Variants in PPA2 observed in about 807,000 individuals in gnomAD.
PPA2 encodes the protein inorganic pyrophosphatase 2, also known as inorganic pyrophosphatase 2, mitochondrial.
Under a neutral mutation model 49.5 loss-of-function variants are expected in PPA2, and 48 were observed. The observed-to-expected ratio is 0.97, with a 90% CI of 0.77 to 1.23. The LOEUF is 1.23. PPA2 is among the 50% of genes most tolerant of loss of function. The probability of loss-of-function intolerance (pLI) is 0.00; values close to 1 mark genes in which losing one functional copy is unlikely to be tolerated. For missense variants in PPA2, 429 were observed against 410.1 expected (o/e 1.05, Z -0.40); for synonymous variants, 131 against 139.9 (o/e 0.94, Z 0.45).
At chr4:105,418,805 T>C (rs538334140) in intron 7 of PPA2, among the ~76,000 whole-genome samples, 1 of 152,332 alleles carries the variant, frequency 6.6e-6, no homozygotes, top group Admixed American at 6.5e-5. Context: ...CTCGTGACAT[T>C]AGTTCTCCTG....
Position 105,449,422 on chromosome 4 carries a change from CAAAG to C in PPA2, c.268-23_268-20del, listed in dbSNP as rs1560636737. 7 of 1,505,596 alleles carry C rather than the reference CAAAG, an allele frequency of 4.6e-6. No homozygotes were observed. Among genetic ancestry groups the C allele is most frequent in the East Asian group, 2.3e-5 (1 of 43,570 alleles). The allele number at this position is 1,505,596 out of a possible 1,614,324, so 93.3% of individuals were successfully genotyped here. On this transcript the variant is annotated intron_variant, in intron 3 of 11. Coordinates refer to ENST00000341695, the MANE Select transcript of PPA2 (RefSeq NM_176869.3). ...ACAGATTCTGCAGTTAAAAACAAAACAAAGAGAGAACATTAAAAATTTTACCTTT... is the reference window on the plus strand; with the variant it reads ...ACAGATTCTGCAGTTAAAAACAAAACAGAGAACATTAAAAATTTTACCTTT...
chr4:105,441,174 A>G (rs1578864637), intron 5 of PPA2, among the ~76,000 whole-genome samples: 2 of 152,320 alleles, frequency 1.3e-5, no homozygotes, highest in Admixed American at 1.3e-4. Flanking sequence ...CAAGAAGCAG[A>G]AGTTCAAAAT....
At chr4:105,430,385 C>T (rs1305418148) in intron 6 of PPA2, among the ~76,000 whole-genome samples, 1 of 152,186 alleles carries the variant, frequency 6.6e-6, no homozygotes, top group Non-Finnish European at 1.5e-5. Context: ...ATATTAGACA[C>T]TCACATGTTT....
At chr4:105,470,697 C>T (rs531111809) in intron 1 of PPA2, among the ~76,000 whole-genome samples, 4 of 152,294 alleles carry the variant, frequency 2.6e-5, no homozygotes, top group South Asian at 2.1e-4. Context: ...ATACCTATCA[C>T]GTGTGAGACA....
chr4:105,381,365 GT>G (rs1733481331), intron 10 of PPA2, among the ~76,000 whole-genome samples: 2 of 151,766 alleles, frequency 1.3e-5, no homozygotes, highest in African/African-American at 2.4e-5. Context: ...GTTGTTTACA[GT>G]TTTTTTCCCC....
intron 7 of PPA2, among the ~76,000 whole-genome samples, chr4:105,409,238 T>G (rs2130694): frequency 0.61 from 92,149 of 152,120 alleles, 27,925 homozygotes; most frequent in East Asian, 0.68. Flanking sequence ...TGGCAGACCA[T>G]GGAATTCCCT....
chr4:105,426,353 G>C (rs1275539875), intron 6 of PPA2, among the ~76,000 whole-genome samples: 1 of 152,124 alleles, frequency 6.6e-6, no homozygotes, highest in African/African-American at 2.4e-5. Context: ...TGCAGCCCTC[G>C]GAGAGCAAGC....
In PPA2 at chr4:105,449,342, A is replaced by C. The variant is rs571749567; in HGVS notation, c.321+8T>G. 6.5e-7 allele frequency: 1 copy of C among 1,538,820 alleles called. No homozygotes were observed. Among genetic ancestry groups the C allele is most frequent in the Non-Finnish European group, 8.9e-7 (1 of 1,119,166 alleles). On this transcript the variant is annotated splice_region_variant and intron_variant, in intron 4 of 11. Transcript: ENST00000341695. Reference sequence around the variant, plus strand: ...TTTCGGTTTCATATTAATAAAGTATATCGGTACCTCCATTTTAGCATTTGT... The same window carrying C: ...TTTCGGTTTCATATTAATAAAGTATCTCGGTACCTCCATTTTAGCATTTGT...
chr4:105,394,970 A>G (rs1734077827), intron 9 of PPA2, among the ~76,000 whole-genome samples: 2 of 152,120 alleles, frequency 1.3e-5, no homozygotes, highest in African/African-American at 4.8e-5. Context: ...TCACTCTACC[A>G]TTTACTAGGA....
At chr4:105,431,416 G>C (rs1723793029) in intron 6 of PPA2, among the ~76,000 whole-genome samples, 1 of 152,090 alleles carries the variant, frequency 6.6e-6, no homozygotes, top group African/African-American at 2.4e-5. Flanking sequence ...CAACCACTAG[G>C]ATGATTGTTA....
intron 3 of PPA2, among the ~76,000 whole-genome samples, chr4:105,452,052 T>A (rs72952276): frequency 0.033 from 5,024 of 152,294 alleles, 274 homozygotes; most frequent in African/African-American, 0.11. Flanking sequence ...TTTCTTTCTC[T>A]CCATTTTTTT....
At chr4:105,381,242 T>A (rs1733476899) in intron 10 of PPA2, among the ~76,000 whole-genome samples, 1 of 152,076 alleles carries the variant, frequency 6.6e-6, no homozygotes, top group Admixed American at 6.5e-5. Flanking sequence ...GTTATCTTTT[T>A]CTTGTGAGTT....
At chr4:105,371,222 AAT>A (rs912357536) in intron 10 of PPA2, among the ~76,000 whole-genome samples, 2 of 152,154 alleles carry the variant, frequency 1.3e-5, no homozygotes, top group Admixed American at 6.5e-5. Flanking sequence ...CACATATTTA[AAT>A]ATATGTTTGT....
At chr4:105,447,388 T>G (rs576449811) in intron 4 of PPA2, among the ~76,000 whole-genome samples, 1 of 152,042 alleles carries the variant, frequency 6.6e-6, no homozygotes, top group African/African-American at 2.4e-5. Flanking sequence ...AGGCTAAGGG[T>G]AGGGGGAATA....
chr4:105,371,487 A>G (rs1475372331), intron 10 of PPA2, among the ~76,000 whole-genome samples: 1 of 152,162 alleles, frequency 6.6e-6, no homozygotes, highest in Non-Finnish European at 1.5e-5. Context: ...ATTTACATCT[A>G]TGTGACCACC....
intron 8 of PPA2, among the ~76,000 whole-genome samples, chr4:105,396,669 T>TG (rs35986704): frequency 0.37 from 56,827 of 152,074 alleles, 12,577 homozygotes; most frequent in East Asian, 0.68. Context: ...GTTTGGCCTA[T>TG]GCTGCTCTAG....
At chr4:105,421,893 AT>A (rs1723268649) in intron 7 of PPA2, among the ~76,000 whole-genome samples, 1 of 152,090 alleles carries the variant, frequency 6.6e-6, no homozygotes, top group African/African-American at 2.4e-5. Context: ...AATACAAAAA[AT>A]TAGCCAGGTG....
intron 11 of PPA2, 63 bp from the exon 12 acceptor site, chr4:105,369,816 T>C (rs1444312597): frequency 7.1e-7 from 1 of 1,413,116 alleles, no homozygotes; most frequent in East Asian, 2.3e-5. Flanking sequence ...AAGGGAGTGA[T>C]TAATCAAATT....
intron 7 of PPA2, among the ~76,000 whole-genome samples, chr4:105,414,830 T>C (rs1722932630): frequency 1.3e-5 from 2 of 152,124 alleles, no homozygotes. Flanking sequence ...AGAAGAAGAA[T>C]GAGGTACCTG....
Sources: gnomAD v4.1 joint callset for allele counts (sites outside exome capture counted in the v4.1 genomes callset) on GRCh38, gnomAD v4.1.1 for gene constraint, MANE v1.5 for transcripts, NCBI Gene and HGNC (gene_info 2026-07-23, HGNC 2026-07-21) for gene names.